CCNY: variants seen among roughly 807,000 people sequenced by gnomAD.
CCNY encodes cyclin-Y.
Under a neutral mutation model 42.8 loss-of-function variants are expected in CCNY, and 19 were observed. That is an observed-to-expected ratio of 0.44 (90% CI 0.31 to 0.65). The LOEUF (loss-of-function observed/expected upper bound fraction) is 0.65, where lower values mean the gene tolerates loss of function less well. CCNY is among the 30% of genes least tolerant of loss of function. CCNY has a pLI of 0.07. For synonymous variants in CCNY, 165 were observed against 162.7 expected, an observed-to-expected ratio of 1.01 and a Z score of -0.11; for missense variants, 370 against 437.3, an observed-to-expected ratio of 0.85 and a Z score of 1.37.
intron 3 of CCNY, among the ~76,000 whole-genome samples, chr10:35,253,324 A>T (rs1445591741): frequency 1.3e-5 from 2 of 150,960 alleles, no homozygotes; most frequent in African/African-American, 4.9e-5. Flanking sequence ...ATCACAGCTC[A>T]CTATAGCATC....
chr10:35,354,702 A>C (rs1042598424), intron 1 of CCNY, among the ~76,000 whole-genome samples: 9 of 152,330 alleles, frequency 5.9e-5, no homozygotes, highest in African/African-American at 9.6e-5. Context: ...TGACTTCCGC[A>C]AAACAGACGG....
chr10:35,440,182 C>T (rs968670551), intron 1 of CCNY, among the ~76,000 whole-genome samples: 3 of 152,112 alleles, frequency 2.0e-5, no homozygotes, highest in African/African-American at 7.2e-5. Flanking sequence ...TAGACAGGCT[C>T]CTTTCTGTTC....
At chr10:35,292,934 C>A (rs1358321760) in intron 3 of CCNY, among the ~76,000 whole-genome samples, 1 of 151,774 alleles carries the variant, frequency 6.6e-6, no homozygotes, top group Non-Finnish European at 1.5e-5. Context: ...CACCTGTTAC[C>A]ACGCCTAGCT....
intron 1 of CCNY, among the ~76,000 whole-genome samples, chr10:35,392,583 G>A (rs1470801916): frequency 6.6e-6 from 1 of 152,214 alleles, no homozygotes; most frequent in African/African-American, 2.4e-5. Context: ...TGGCCAGATG[G>A]CACTGAGAAC....
At chr10:35,362,727 A>G (rs1230197664) in intron 1 of CCNY, among the ~76,000 whole-genome samples, 1 of 152,130 alleles carries the variant, frequency 6.6e-6, no homozygotes, top group Admixed American at 6.6e-5. Context: ...GGCGCTCCTC[A>G]CTTCCCAGAC....
chr10:35,334,219 T>G (rs1258949944), upstream of CCNY, among the ~76,000 whole-genome samples: 4 of 152,230 alleles, frequency 2.6e-5, no homozygotes, highest in East Asian at 7.7e-4. Context: ...TTAGTGCCAC[T>G]GTCTCTTTCT....
At chr10:35,426,933 A>G (rs991634268) in intron 1 of CCNY, among the ~76,000 whole-genome samples, 10 of 152,226 alleles carry the variant, frequency 6.6e-5, no homozygotes, top group African/African-American at 2.4e-4. Flanking sequence ...TTATAATGAG[A>G]AGAAGCCTTT....
At chr10:35,379,087 C>T (rs1277825077) in intron 1 of CCNY, among the ~76,000 whole-genome samples, 1 of 152,100 alleles carries the variant, frequency 6.6e-6, no homozygotes, top group Non-Finnish European at 1.5e-5. Context: ...TGGACCCACA[C>T]AAAGTTTGGT....
chr10:35,393,730 C>T (rs1159727088), intron 1 of CCNY, among the ~76,000 whole-genome samples: 1 of 152,016 alleles, frequency 6.6e-6, no homozygotes. Flanking sequence ...TAGTGCATGG[C>T]GAAGGCATCA....
chr10:35,424,047 G>A (rs1378583548), intron 1 of CCNY, among the ~76,000 whole-genome samples: 1 of 152,064 alleles, frequency 6.6e-6, no homozygotes, highest in African/African-American at 2.4e-5. Flanking sequence ...CACTGCCTGG[G>A]GCTCTGGGGA....
At chr10:35,434,260 ATGTTGTCTCCCTC>A (rs1195590196) in intron 1 of CCNY, 1 of 152,178 alleles carries the variant, frequency 6.6e-6, no homozygotes, top group Admixed American at 6.5e-5. Flanking sequence ...ATGAGTAATT[ATGTTGTCTCCCTC>A]TGTCTGAAAT....
chr10:35,315,257 T>G (rs1383936417), intron 3 of CCNY: 2 of 152,136 alleles, frequency 1.3e-5, no homozygotes, highest in Non-Finnish European at 2.9e-5. Context: ...ATCTTCTCCT[T>G]CCTCTTACCC....
At chr10:35,359,392 C>T (rs1308315376) in intron 1 of CCNY, among the ~76,000 whole-genome samples, 4 of 152,190 alleles carry the variant, frequency 2.6e-5, no homozygotes, top group Admixed American at 2.6e-4. Context: ...GTGGCAGATA[C>T]TGCCTCATTA....
intron 3 of CCNY, among the ~76,000 whole-genome samples, chr10:35,304,311 A>ATTTTTTTTT (rs1233409039): frequency 2.1e-5 from 1 of 47,564 alleles, no homozygotes; most frequent in Non-Finnish European, 3.6e-5. Flanking sequence ...TTTTTTTTTT[A>ATTTTTTTTT]TTTTTTATTT....
intron 1 of CCNY, among the ~76,000 whole-genome samples, chr10:35,420,030 G>T (rs1172243698): frequency 1.3e-5 from 2 of 149,324 alleles, no homozygotes; most frequent in Non-Finnish European, 3.0e-5. Flanking sequence ...AAGTTTTGCT[G>T]ACTCCTGTTC....
chr10:35,446,640 CA>C (rs1289612639), intron 1 of CCNY, among the ~76,000 whole-genome samples: 1 of 152,152 alleles, frequency 6.6e-6, no homozygotes. Flanking sequence ...TTCCCTTTGC[CA>C]GGGTCTTTGT....
chr10:35,569,178 G>A lies in CCNY; in HGVS notation c.*8G>A. The stretch of plus-strand genomic sequence containing the variant: ...CCAGCCATCATCTCTTAACTACGGA[G>A]GCCCGCCGGAGGCCACACCATCCCT... On this transcript the variant is annotated 3_prime_UTR_variant, in exon 10 of 10. Coordinates refer to ENST00000374704, the MANE Select transcript of CCNY (RefSeq NM_145012.6). 6.6e-7 allele frequency: 1 copy of A among 1,525,708 alleles called. No homozygotes were observed. Among genetic ancestry groups the A allele is most frequent in the Non-Finnish European group, 9.1e-7 (1 of 1,102,714 alleles). The allele number at this position is 1,525,708 out of a possible 1,614,324, so 94.5% of individuals were successfully genotyped here.
chr10:35,483,400 A>G lies in CCNY; in HGVS notation c.155-4A>G. 1.3e-6 allele frequency: 2 copies of G among 1,588,096 alleles called. No homozygotes were observed. Among genetic ancestry groups the G allele is most frequent in the South Asian group, 2.2e-5 (2 of 89,594 alleles). ...TCATATAATTTATTTTCCTTTCTTT[A>G]AAGATTTGAACATGGAATTCAATCC... On this transcript the variant is annotated splice_polypyrimidine_tract_variant and splice_region_variant and intron_variant, in intron 1 of 9. Transcript: ENST00000374704.
intron 8 of CCNY, among the ~76,000 whole-genome samples, chr10:35,563,020 C>A (rs1841496779): frequency 6.6e-6 from 1 of 151,690 alleles, no homozygotes; most frequent in Admixed American, 6.6e-5. Flanking sequence ...ACGTTTTACA[C>A]CAAAACTGTT....
Sources: allele counts gnomAD v4.1 joint callset (sites outside exome capture counted in the v4.1 genomes callset), GRCh38; gene constraint gnomAD v4.1.1; transcripts MANE v1.5; gene names NCBI Gene and HGNC (gene_info 2026-07-23, HGNC 2026-07-21).